BNIP3: variants seen among roughly 807,000 people sequenced by gnomAD.
BNIP3 encodes the protein BCL2/adenovirus E1B 19 kDa protein-interacting protein 3.
A neutral mutation model predicts 23.9 loss-of-function variants in BNIP3; 16 were observed. That is an observed-to-expected ratio of 0.67 (90% CI 0.45 to 1.01). The LOEUF (loss-of-function observed/expected upper bound fraction) is 1.01. Ranked by LOEUF, BNIP3 falls within the 50% of genes least tolerant of loss-of-function variation. BNIP3 has a pLI of 0.00. For missense variants in BNIP3, 198 were observed against 248.7 expected (o/e 0.80, Z 1.37); for synonymous variants, 81 against 89.3 (o/e 0.91, Z 0.53).
chr10:131,977,478 T>C (rs1278010696), intron 1 of BNIP3, among the ~76,000 whole-genome samples: 1 of 152,148 alleles, frequency 6.6e-6, no homozygotes, highest in Admixed American at 6.5e-5. Context: ...GACTTAGTGA[T>C]TTACGAACAG....
At chr10:131,979,875 T>G (rs1371415177) in intron 1 of BNIP3, among the ~76,000 whole-genome samples, 1 of 152,232 alleles carries the variant, frequency 6.6e-6, no homozygotes, top group Non-Finnish European at 1.5e-5. Flanking sequence ...CATTGTTCTC[T>G]GTTCCGAGGT....
Position 131,968,114 on chromosome 10 carries a change from C to T in BNIP3, c.*410G>A, listed in dbSNP as rs1210515454. ...GCCACAATATTTATTTTGGACAAAC[C>T]CCTTAAAGTAGCGATTTTATTATCA... is the stretch of plus-strand genomic sequence containing the variant. On this transcript the variant is annotated 3_prime_UTR_variant, in exon 6 of 6. Coordinates refer to ENST00000368636, the MANE Select transcript of BNIP3 (RefSeq NM_004052.4). 1 of 156,402 alleles carries T rather than the reference C, an allele frequency of 6.4e-6. No homozygotes were observed. The highest frequency in any genetic ancestry group is 2.4e-5 in the African/African-American group (1 of 41,454). The allele number at this position is 156,402 out of a possible 1,614,324, so 9.7% of individuals were successfully genotyped here. A position where few individuals can be genotyped will look rare whatever the true frequency, so the allele number is the denominator to read the frequency against.
intron 3 of BNIP3, among the ~76,000 whole-genome samples, chr10:131,972,798 C>A (rs900761454): frequency 2.0e-5 from 3 of 152,196 alleles, no homozygotes; most frequent in African/African-American, 2.4e-5. Flanking sequence ...AGGAGGCCCC[C>A]GCTGCCTGTC....
intron 1 of BNIP3, among the ~76,000 whole-genome samples, chr10:131,978,325 G>A (rs2037095077): frequency 6.7e-6 from 1 of 150,312 alleles, no homozygotes; most frequent in Non-Finnish European, 1.5e-5. Context: ...GTCTGCCTCA[G>A]AGACAAAATA....
At chr10:131,980,277 G>A (rs1039076269) in intron 1 of BNIP3, 3 of 152,184 alleles carry the variant, frequency 2.0e-5, no homozygotes, top group African/African-American at 4.8e-5. Context: ...CAGGAGTAAC[G>A]CGGCTTCACA....
intron 1 of BNIP3, among the ~76,000 whole-genome samples, chr10:131,977,342 G>A (rs1024452530): frequency 6.6e-6 from 1 of 152,196 alleles, no homozygotes; most frequent in African/African-American, 2.4e-5. Flanking sequence ...AGTAGGTAGG[G>A]TCAAGACCAA....
rs976979708 is a variant in BNIP3 at position 131,976,362 on chromosome 10, G to A, written c.47-2419C>T. Among the ~76,000 whole-genome samples the A allele has an allele frequency of 2.0e-5, 3 of 152,198 alleles. No individual in the cohort carries two copies. Among genetic ancestry groups the A allele is most frequent in the Admixed American group, 1.3e-4 (2 of 15,286 alleles). ...ATTCCATTCTATCTACCTAGACTTA[G>A]TGTGGAGCCCACAAGACTGTTCCCA... On this transcript the variant is annotated intron_variant, in intron 1 of 5. Transcript: ENST00000368636. The surrounding 1 kb of genome is among the most constrained non-coding windows in gnomAD (Gnocchi z 4.3).
rs1192153383 is a variant in BNIP3, at chr10:131,968,070, C to A, written c.*454G>T. The A allele has an allele frequency of 6.4e-6, 1 of 155,166 alleles. No individual in the cohort carries two copies. The highest frequency in any genetic ancestry group is 6.3e-5 in the Admixed American group (1 of 15,872). 9.6% of individuals were successfully genotyped at this position (155,166 alleles called of 1,614,324 possible). On this transcript the variant is annotated 3_prime_UTR_variant, in exon 6 of 6. Coordinates refer to ENST00000368636, the MANE Select transcript of BNIP3 (RefSeq NM_004052.4). ...CATTTAAATTAAATAATACTTTCTA[C>A]AATAGTGTGATATATAAGGCCACAA... is the stretch of plus-strand genomic sequence containing the variant.
At chr10:131,971,046 C>T (rs1386934971) in intron 3 of BNIP3, 76 bp from the exon 4 acceptor site, 2 of 1,344,236 alleles carry the variant, frequency 1.5e-6, no homozygotes, top group East Asian at 2.3e-5. Flanking sequence ...CCCACCCGAG[C>T]TTCAGATCCG....
chr10:131,973,395 T>G, intron 2 of BNIP3: 1 of 496,774 alleles, frequency 2.0e-6, no homozygotes, highest in Non-Finnish European at 3.7e-6. Context: ...ACGGTCTGGG[T>G]CTGTTGCACA....
In BNIP3 at chr10:131,981,864, A is replaced by T; in HGVS notation, c.-58T>A. 1 of 1,390,448 alleles carries T rather than the reference A, an allele frequency of 7.2e-7. No individual in the cohort carries two copies. Among genetic ancestry groups the T allele is most frequent in the Non-Finnish European group, 9.3e-7 (1 of 1,076,700 alleles). The allele number at this position is 1,390,448 out of a possible 1,614,324, so 86.1% of individuals were successfully genotyped here. ...CGCGCCGGGCTGCGGGATGTGCTTC[A>T]GCTGCGGGCGGTGGGAAAGCGGAGG... On this transcript the variant is annotated 5_prime_UTR_variant, in exon 1 of 6. Coordinates refer to ENST00000368636, the MANE Select transcript of BNIP3 (RefSeq NM_004052.4).
chr10:131,979,732 A>C (rs939253151), intron 1 of BNIP3, among the ~76,000 whole-genome samples: 1 of 152,244 alleles, frequency 6.6e-6, no homozygotes, highest in Non-Finnish European at 1.5e-5. Context: ...AGCTAGAATG[A>C]TCAAGAGATA....
intron 1 of BNIP3, chr10:131,980,728 G>A (rs967719819): frequency 1.1e-4 from 16 of 151,606 alleles, no homozygotes; most frequent in African/African-American, 3.6e-4. Flanking sequence ...GTGAATATAT[G>A]GTTTTAAAAA....
chr10:131,981,649 G>C lies in BNIP3; in HGVS notation c.46+112C>G, dbSNP rs1052116813. Reference sequence around the variant, plus strand: ...GGGGAGGATGGCGCAGCCTCGCCCGGCCCGCGATGCCCCCTAGGCCTCCCC... The same window carrying C: ...GGGGAGGATGGCGCAGCCTCGCCCGCCCCGCGATGCCCCCTAGGCCTCCCC... On this transcript the variant is annotated intron_variant, in intron 1 of 5. Coordinates refer to ENST00000368636, the MANE Select transcript of BNIP3 (RefSeq NM_004052.4). The C allele has an allele frequency of 8.0e-6, 10 of 1,256,490 alleles. No individual in the cohort carries two copies. The African/African-American group carries it at 1.4e-4, about 18-fold the overall frequency. 77.8% of individuals were successfully genotyped at this position (1,256,490 alleles called of 1,614,324 possible).
intron 1 of BNIP3, among the ~76,000 whole-genome samples, chr10:131,977,111 A>G (rs1171881857): frequency 1.3e-5 from 2 of 152,064 alleles, no homozygotes; most frequent in Non-Finnish European, 2.9e-5. Context: ...CGTCTCTACT[A>G]AAAATACAAA....
chr10:131,973,716 C>T lies in BNIP3; in HGVS notation c.197+77G>A, dbSNP rs1188611503. ...GCAGCCCACTGTCCTAGAGGTGACA[C>T]GGGCACTTCCAGCTGTGACTGTCAC... On this transcript the variant is annotated intron_variant, in intron 2 of 5. Transcript: ENST00000368636. 10 of 1,572,188 alleles carry T rather than the reference C, an allele frequency of 6.4e-6. No individual in the cohort carries two copies. The Admixed American group carries it at 6.8e-5, about 11-fold the overall frequency.
chr10:131,972,827 G>A (rs924639383), intron 3 of BNIP3, among the ~76,000 whole-genome samples: 1 of 152,156 alleles, frequency 6.6e-6, no homozygotes, highest in African/African-American at 2.4e-5. Context: ...CGCCTCCCCC[G>A]CTCAGCTGAG....
chr10:131,973,885 C>T lies in BNIP3; in HGVS notation c.105G>A (p.Ser35=), dbSNP rs755528330. ...NNGNGGSVPA[S]VSIYNGDMEK... The stretch of plus-strand genomic sequence containing the variant: ...CCATGTCTCCATTATAAATAGAAAC[C>T]GAGGCTGGAACGCTGCCCCCGTTCC... The change falls in exon 2 of 6, where the codon TCG becomes TCA. Residue 35 remains serine (S), a synonymous_variant. Coordinates refer to ENST00000368636, the MANE Select transcript of BNIP3 (RefSeq NM_004052.4). The T allele has an allele frequency of 1.1e-5, 17 of 1,613,192 alleles. No homozygotes were observed. The Admixed American group carries it at 1.3e-4, about 13-fold the overall frequency.
chr10:131,970,736 G>T lies in BNIP3; in HGVS notation c.441C>A (p.Asn147Lys). The T allele has an allele frequency of 6.2e-7, 1 of 1,614,220 alleles. No homozygotes were observed. Among genetic ancestry groups the T allele is most frequent in the Non-Finnish European group, 8.5e-7 (1 of 1,180,050 alleles). ...TGCCCCCTTTCTTCATGACGCTCGT[G>T]TTCCTCATGCTGAGGGTGGCCGTGC... ...PKRTATLSMR[N>K]TSVMKKGGIF... Residue 147 changes from asparagine (N) to lysine (K), a missense_variant, in exon 5 of 6, where the codon AAC (asparagine) becomes AAA (lysine). Transcript: ENST00000368636. The surrounding 1 kb of genome is among the most constrained non-coding windows in gnomAD (Gnocchi z 4.1).
Sources: allele counts gnomAD v4.1 joint callset (sites outside exome capture counted in the v4.1 genomes callset), GRCh38; gene constraint gnomAD v4.1.1; non-coding constraint Gnocchi (gnomAD v3.1); transcripts MANE v1.5; gene names NCBI Gene and HGNC (gene_info 2026-07-23, HGNC 2026-07-21).